ZNF382: variants seen among roughly 807,000 people sequenced by gnomAD.
ZNF382 encodes zinc finger protein 382.
A neutral mutation model predicts 38.8 loss-of-function variants in ZNF382; 20 were observed. The observed-to-expected ratio is 0.51, with a 90% CI of 0.36 to 0.75. The LOEUF is 0.75. ZNF382 is among the 30% of genes least tolerant of loss of function. The pLI is 0.00. For missense variants in ZNF382, 546 were observed against 654.1 expected, an observed-to-expected ratio of 0.83 and a Z score of 1.80; for synonymous variants, 202 against 223.1, an observed-to-expected ratio of 0.91 and a Z score of 0.84.
intron 4 of ZNF382, among the ~76,000 whole-genome samples, chr19:36,614,228 T>G (rs1012068510): frequency 6.6e-6 from 1 of 152,130 alleles, no homozygotes; most frequent in African/African-American, 2.4e-5. Flanking sequence ...TAGTCCCAGC[T>G]ACTCGGGAGG....
Position 36,627,462 on chromosome 19 carries a change from G to A in ZNF382, c.1565G>A (p.Cys522Tyr). Residue 522 changes from cysteine (C) to tyrosine (Y), a missense_variant, in exon 5 of 5, where the codon TGT (cysteine) becomes TAT (tyrosine). Transcript: ENST00000292928. Reference sequence around the variant, plus strand: ...CACACAGGCGAGAAACCATATGAATGTAAACAGTGTGGGAAGTTCTTCAGT... The same window carrying A: ...CACACAGGCGAGAAACCATATGAATATAAACAGTGTGGGAAGTTCTTCAGT... ...KTHTGEKPYE[C>Y]KQCGKFFSCK... 1 of 1,614,154 alleles carries A rather than the reference G, an allele frequency of 6.2e-7. No homozygotes were observed. Among genetic ancestry groups the A allele is most frequent in the Non-Finnish European group, 8.5e-7 (1 of 1,180,012 alleles).
chr19:36,614,421 C>G (rs921708427), intron 4 of ZNF382, among the ~76,000 whole-genome samples: 1 of 152,298 alleles, frequency 6.6e-6, no homozygotes, highest in East Asian at 1.9e-4. Context: ...GAATCAACTT[C>G]TTGATTTCTT....
chr19:36,609,991 C>G lies in ZNF382; in HGVS notation c.77C>G (p.Pro26Arg). 1 of 1,613,956 alleles carries G rather than the reference C, an allele frequency of 6.2e-7. No individual in the cohort carries two copies. Among genetic ancestry groups the G allele is most frequent in the African/African-American group, 1.3e-5 (1 of 75,022 alleles). The change falls in exon 3 of 5, where the codon CCT (proline) becomes CGT (arginine). Residue 26 changes from proline (P) to arginine (R), a missense_variant. Pro to Arg is a moderately radical substitution (Grantham distance 103). Transcript: ENST00000292928. ...CAGGAGGAGTGGCAGCAACTAGACC[C>G]TGCTCAGAAGGCGCTTTACAGGGAT... ...FTQEEWQQLD[P>R]AQKALYRDVM... is the part of the protein sequence containing the mutation.
chr19:36,627,596 C>A lies in ZNF382; in HGVS notation c.*46C>A, dbSNP rs757400959. On this transcript the variant is annotated 3_prime_UTR_variant, in exon 5 of 5. Transcript: ENST00000292928. ...AAAAAATGTTAAGTCATAGTAAACC[C>A]TGTAGATGATGTTGCTTGCAAGCGT... 2.1e-6 allele frequency: 3 copies of A among 1,421,976 alleles called. No individual in the cohort carries two copies. The highest frequency in any genetic ancestry group is 3.6e-5 in the Admixed American group (2 of 55,224). 88.1% of individuals were successfully genotyped at this position (1,421,976 alleles called of 1,614,324 possible).
At chr19:36,612,579 C>G (rs2145316592) in intron 4 of ZNF382, among the ~76,000 whole-genome samples, 1 of 152,318 alleles carries the variant, frequency 6.6e-6, no homozygotes, top group Admixed American at 6.5e-5. Flanking sequence ...TTTAGACTTT[C>G]ATCAGCACTG....
At chr19:36,609,865 C>T (rs1568627011) in intron 2 of ZNF382, 37 bp from the exon 3 acceptor site, 3 of 1,544,502 alleles carry the variant, frequency 1.9e-6, no homozygotes, top group Middle Eastern at 1.7e-4. Flanking sequence ...TACTAGGTCT[C>T]CAATATCTAG....
chr19:36,616,473 C>T lies in ZNF382; in HGVS notation c.232+5731C>T, dbSNP rs556617953. On this transcript the variant is annotated intron_variant, in intron 4 of 4. Transcript: ENST00000292928. ...ACATACATAGGCGGACAGACCCAAA[C>T]AGAGATCTTATAACTTTCATTCTAA... Among the ~76,000 whole-genome samples the T allele has an allele frequency of 2.0e-5, 3 of 152,298 alleles. No individual in the cohort carries two copies. In the East Asian group the frequency reaches 5.8e-4, roughly 29 times the overall value.
chr19:36,632,693 T>G lies in ZNF382; in HGVS notation c.*5143T>G, dbSNP rs3108167. 1.3e-5 allele frequency: 2 copies of G among 152,038 alleles called. No homozygotes were observed. Among genetic ancestry groups the G allele is most frequent in the African/African-American group, 4.8e-5 (2 of 41,392 alleles). 9.4% of individuals were successfully genotyped at this position (152,038 alleles called of 1,614,324 possible). ...CAACCAAGAGTCAGAGCCAGACATCTGGGCATCGTGGAGATAATTTTAGAG... is the reference window on the plus strand; with the variant it reads ...CAACCAAGAGTCAGAGCCAGACATCGGGGCATCGTGGAGATAATTTTAGAG... On this transcript the variant is annotated 3_prime_UTR_variant, in exon 5 of 5. Coordinates refer to ENST00000292928, the MANE Select transcript of ZNF382 (RefSeq NM_032825.5).
intron 4 of ZNF382, among the ~76,000 whole-genome samples, chr19:36,612,591 A>T (rs2385643): frequency 0.33 from 49,430 of 152,078 alleles, 8,397 homozygotes; most frequent in South Asian, 0.42. Context: ...TCAGCACTGT[A>T]TGAGAATGTT....
At chr19:36,613,595 C>G (rs755812163) in intron 4 of ZNF382, among the ~76,000 whole-genome samples, 15 of 151,876 alleles carry the variant, frequency 9.9e-5, no homozygotes, top group Non-Finnish European at 2.1e-4. Context: ...CGTGCACCAC[C>G]ACGCCCCGCT....
Position 36,626,172 on chromosome 19 carries a change from A to G in ZNF382, c.275A>G (p.Glu92Gly). 1 of 1,570,674 alleles carries G rather than the reference A, an allele frequency of 6.4e-7. No individual in the cohort carries two copies. Residue 92 changes from glutamate (E) to glycine (G), a missense_variant, in exon 5 of 5, where the codon GAA becomes GGA. Physicochemically the swap from Glu to Gly is moderately conservative, Grantham distance 98. Coordinates refer to ENST00000292928, the MANE Select transcript of ZNF382 (RefSeq NM_032825.5). ...KTEDVLVKFK[E>G]YQDRHSRPLI... ...GAAGATGTCTTAGTGAAGTTCAAAGAATACCAAGACAGGCATTCTAGACCC... is the reference window on the plus strand; with the variant it reads ...GAAGATGTCTTAGTGAAGTTCAAAGGATACCAAGACAGGCATTCTAGACCC...
rs1265723070 is a variant in ZNF382 at position 36,633,550 on chromosome 19, A to G, written c.*6000A>G. 2.0e-5 allele frequency: 3 copies of G among 152,184 alleles called. No homozygotes were observed. The highest frequency in any genetic ancestry group is 2.9e-5 in the Non-Finnish European group (2 of 68,038). The allele number at this position is 152,184 out of a possible 1,614,324, so 9.4% of individuals were successfully genotyped here. A position where few individuals can be genotyped will look rare whatever the true frequency, so the allele number is the denominator to read the frequency against. The stretch of plus-strand genomic sequence containing the variant: ...ATATGCCAGTCTCAAAAAGTTACAC[A>G]TCCAATATGACCCAGCAATCCCACT... On this transcript the variant is annotated 3_prime_UTR_variant, in exon 5 of 5. Coordinates refer to ENST00000292928, the MANE Select transcript of ZNF382 (RefSeq NM_032825.5).
chr19:36,605,661 C>G (rs1227380723), intron 1 of ZNF382: 1 of 152,100 alleles, frequency 6.6e-6, no homozygotes, highest in Admixed American at 6.5e-5. Context: ...GGAGCGGGCG[C>G]TGTGTGTTCG....
At chr19:36,610,121 C>A (rs2037065538) in intron 3 of ZNF382, 68 bp downstream of exon 3, 5 of 1,571,404 alleles carry the variant, frequency 3.2e-6, no homozygotes, top group Non-Finnish European at 4.3e-6. Context: ...ACATATAGGA[C>A]TTTGAATTTC....
At chr19:36,609,138 C>T (rs1334098114) in intron 2 of ZNF382, 2 of 152,130 alleles carry the variant, frequency 1.3e-5, no homozygotes, top group Non-Finnish European at 2.9e-5. Flanking sequence ...TAGGGCATGC[C>T]TCACAGTAGA....
In ZNF382 at chr19:36,609,757, A is replaced by G; in HGVS notation, c.-13-145A>G. 5 of 757,496 alleles carry G rather than the reference A, an allele frequency of 6.6e-6. No individual in the cohort carries two copies. In the South Asian group the frequency reaches 1.2e-4, roughly 19 times the overall value. The allele number at this position is 757,496 out of a possible 1,614,324, so 46.9% of individuals were successfully genotyped here. On this transcript the variant is annotated intron_variant, in intron 2 of 4. Coordinates refer to ENST00000292928, the MANE Select transcript of ZNF382 (RefSeq NM_032825.5). The stretch of plus-strand genomic sequence containing the variant: ...GTGTGATCTCAGTATGTTTAGCATG[A>G]GATTATAAGTAAATACAAATGGATG...
chr19:36,605,380 G>A (rs892462764), intron 1 of ZNF382, 33 bp downstream of exon 1: 11 of 152,796 alleles, frequency 7.2e-5, no homozygotes, highest in South Asian at 4.1e-4. Flanking sequence ...AGGCCAAGGA[G>A]GGCACTGGGA....
Position 36,627,487 on chromosome 19 carries a change from T to C in ZNF382, c.1590T>C (p.Ser530=). 1 of 1,614,062 alleles carries C rather than the reference T, an allele frequency of 6.2e-7. No individual in the cohort carries two copies. Among genetic ancestry groups the C allele is most frequent in the South Asian group, 1.1e-5 (1 of 91,082 alleles). ...YECKQCGKFF[S]CKSNLIVHQK... is the part of the protein sequence containing the mutation. ...GTAAACAGTGTGGGAAGTTCTTCAGTTGTAAGTCAAACCTCATTGTCCATC... is the reference window on the plus strand; with the variant it reads ...GTAAACAGTGTGGGAAGTTCTTCAGCTGTAAGTCAAACCTCATTGTCCATC... The change falls in exon 5 of 5, where the codon AGT becomes AGC. Residue 530 remains serine, a synonymous_variant. Coordinates refer to ENST00000292928, the MANE Select transcript of ZNF382 (RefSeq NM_032825.5).
At position 36,627,145 on chromosome 19, in the gene ZNF382, A is replaced by C. The variant is rs779075034; in HGVS notation, c.1248A>C (p.Ala416=). 6.2e-7 allele frequency: 1 copy of C among 1,613,768 alleles called. No homozygotes were observed. The highest frequency in any genetic ancestry group is 1.7e-5 in the Admixed American group (1 of 59,970). The change falls in exon 5 of 5, where the codon GCA becomes GCC. Residue 416 remains alanine (A), a synonymous_variant. Transcript: ENST00000292928. ...KPYQCNECGK[A]FIQKTTLTVH... The stretch of plus-strand genomic sequence containing the variant: ...ATCAGTGTAATGAGTGTGGGAAGGC[A>C]TTTATCCAGAAGACAACCCTCACTG...
Sources: gnomAD v4.1 joint callset for allele counts (sites outside exome capture counted in the v4.1 genomes callset) on GRCh38, gnomAD v4.1.1 for gene constraint, MANE v1.5 for transcripts, NCBI Gene and HGNC (gene_info 2026-07-23, HGNC 2026-07-21) for gene names.